The following AMPH variants were observed in gnomAD, a reference collection of about 807,000 sequenced individuals.
The protein encoded by AMPH is amphiphysin, also known as amphiphysin (Stiff-Mann syndrome with breast cancer 128kD autoantigen).
In AMPH, 49 loss-of-function variants were observed where a neutral mutation model predicts 99.1. The ratio of observed to expected loss-of-function variants is 0.49; its 90% CI spans 0.39 to 0.63. The LOEUF (loss-of-function observed/expected upper bound fraction) is 0.63. AMPH is among the 20% of genes least tolerant of loss of function. The pLI, the probability that AMPH is intolerant of heterozygous loss-of-function variation, is 0.00. For synonymous variants in AMPH, 314 were observed against 317.3 expected (o/e 0.99, Z 0.11); for missense variants, 759 against 863.4 (o/e 0.88, Z 1.52).
chr7:38,405,142 T>C (rs1784948289), intron 17 of AMPH, among the ~76,000 whole-genome samples: 1 of 152,142 alleles, frequency 6.6e-6, no homozygotes, highest in African/African-American at 2.4e-5. Flanking sequence ...AAATAAAGTC[T>C]TTCCCAGACA....
intron 1 of AMPH, among the ~76,000 whole-genome samples, chr7:38,610,234 C>CA (rs544036143): frequency 3.3e-4 from 2 of 6,128 alleles, no homozygotes; most frequent in Admixed American, 3.1e-3. Context: ...TAAGCTCTCT[C>CA]AAAAAAAAAA....
rs558383952 is a variant in AMPH at position 38,387,814 on chromosome 7, T to C, written c.1980+1990A>G. Among the ~76,000 whole-genome samples the C allele has an allele frequency of 2.0e-5, 3 of 150,570 alleles. No homozygotes were observed. In the South Asian group the frequency reaches 6.3e-4, roughly 31 times the overall value. Reference sequence around the variant, plus strand: ...AAAAAAAACCTACCCAAGCACAATATATTTAAACTGATGAAAATCAAAGAT... The same window carrying C: ...AAAAAAAACCTACCCAAGCACAATACATTTAAACTGATGAAAATCAAAGAT... On this transcript the variant is annotated intron_variant, in intron 20 of 20. Transcript: ENST00000356264.
chr7:38,404,255 A>G (rs1784921694), intron 17 of AMPH, among the ~76,000 whole-genome samples: 1 of 151,770 alleles, frequency 6.6e-6, no homozygotes, highest in Non-Finnish European at 1.5e-5. Flanking sequence ...TCCTCCTGTC[A>G]CCCTTGTCAG....
In AMPH at chr7:38,494,494, G is replaced by A. The variant is rs761049841; in HGVS notation, c.239C>T (p.Ser80Leu). 7 of 1,613,770 alleles carry A rather than the reference G, an allele frequency of 4.3e-6. No homozygotes were observed. Among genetic ancestry groups the A allele is most frequent in the African/African-American group, 2.7e-5 (2 of 74,896 alleles). ...MQEASMKLTE[S>L]LHEVYEPDWY... is the part of the protein sequence containing the mutation. ...GTCAGGCTCATAGACTTCATGCAGCGACTCTGTGAGCTTCATGGAGGCCTC... is the reference window on the plus strand; with the variant it reads ...GTCAGGCTCATAGACTTCATGCAGCAACTCTGTGAGCTTCATGGAGGCCTC... Residue 80 changes from serine (S) to leucine (L), a missense_variant, in exon 4 of 21, where the codon TCG (serine) becomes TTG (leucine). Ser to Leu is a moderately radical substitution (Grantham distance 145). Around this residue, in one of 2 missense-constraint regions of AMPH, gnomAD observed 205 missense variants for 287.9 expected, o/e 0.71. Coordinates refer to ENST00000356264, the MANE Select transcript of AMPH (RefSeq NM_001635.4).
At chr7:38,558,508 G>A (rs573694584) in intron 1 of AMPH, among the ~76,000 whole-genome samples, 17 of 152,208 alleles carry the variant, frequency 1.1e-4, no homozygotes, top group Non-Finnish European at 2.4e-4. Context: ...CGTTAAATCT[G>A]AGGAACAGTT....
intron 17 of AMPH, among the ~76,000 whole-genome samples, chr7:38,405,191 A>G (rs909339604): frequency 6.6e-6 from 1 of 152,218 alleles, no homozygotes; most frequent in Non-Finnish European, 1.5e-5. Flanking sequence ...TAGACTGGTC[A>G]TACAAGAAAT....
intron 3 of AMPH, among the ~76,000 whole-genome samples, chr7:38,500,933 G>A (rs1452135289): frequency 6.6e-6 from 1 of 152,220 alleles, no homozygotes; most frequent in East Asian, 1.9e-4. Flanking sequence ...TGCCTAAAAT[G>A]CTTAGCACAG....
chr7:38,542,131 C>CTGAG (rs1790830232), intron 1 of AMPH, among the ~76,000 whole-genome samples: 1 of 152,184 alleles, frequency 6.6e-6, no homozygotes, highest in Non-Finnish European at 1.5e-5. Context: ...CAAGATGGTC[C>CTGAG]TCTTCTCCAG....
At chr7:38,594,459 T>C (rs1489003856) in intron 1 of AMPH, among the ~76,000 whole-genome samples, 1 of 152,162 alleles carries the variant, frequency 6.6e-6, no homozygotes, top group Non-Finnish European at 1.5e-5. Context: ...GCAAGGTGCT[T>C]TGATTCCATG....
At chr7:38,508,656 T>C (rs893201475) in intron 2 of AMPH, among the ~76,000 whole-genome samples, 1 of 152,174 alleles carries the variant, frequency 6.6e-6, no homozygotes, top group Non-Finnish European at 1.5e-5. Flanking sequence ...AGTCCTGTCA[T>C]CTCATCTGTG....
intron 1 of AMPH, among the ~76,000 whole-genome samples, chr7:38,602,744 C>A (rs1162011318): frequency 6.6e-6 from 1 of 152,180 alleles, no homozygotes; most frequent in Admixed American, 6.5e-5. Context: ...GTACATTATT[C>A]TGCCTACCAC....
At chr7:38,555,663 A>G (rs563026220) in intron 1 of AMPH, among the ~76,000 whole-genome samples, 2 of 152,352 alleles carry the variant, frequency 1.3e-5, no homozygotes, top group East Asian at 3.9e-4. Context: ...ACAGTATTTT[A>G]CTATGTGAAA....
chr7:38,514,902 A>T (rs187175667), intron 2 of AMPH, among the ~76,000 whole-genome samples: 2 of 152,210 alleles, frequency 1.3e-5, no homozygotes, highest in Non-Finnish European at 2.9e-5. Flanking sequence ...AAGCTTTAGA[A>T]TTGGGTAATG....
At chr7:38,422,285 C>A in intron 16 of AMPH, 136 bp downstream of exon 16, 1 of 704,364 alleles carries the variant, frequency 1.4e-6, no homozygotes. Flanking sequence ...CACATTCTCT[C>A]CTGTTTTCTA....
chr7:38,571,672 A>G (rs892541756), intron 1 of AMPH, among the ~76,000 whole-genome samples: 1 of 137,146 alleles, frequency 7.3e-6, no homozygotes, highest in Non-Finnish European at 1.7e-5. Context: ...ATTACAAAAA[A>G]CCTCTAAAAA....
At chr7:38,420,710 T>C (rs944974219) in intron 16 of AMPH, among the ~76,000 whole-genome samples, 13 of 152,128 alleles carry the variant, frequency 8.5e-5, no homozygotes, top group Non-Finnish European at 1.5e-5. Flanking sequence ...TCTAGTCACA[T>C]CCAATGTGGC....
intron 1 of AMPH, among the ~76,000 whole-genome samples, chr7:38,545,964 AG>A (rs1199065537): frequency 1.3e-5 from 2 of 152,182 alleles, no homozygotes; most frequent in African/African-American, 4.8e-5. Flanking sequence ...TAAAAAATAC[AG>A]GGGGGGATGA....
intron 14 of AMPH, among the ~76,000 whole-genome samples, chr7:38,427,574 C>G (rs1785827975): frequency 6.6e-6 from 1 of 151,506 alleles, no homozygotes; most frequent in African/African-American, 2.4e-5. Context: ...CATTAATTCC[C>G]AACACAATCA....
At chr7:38,471,667 G>A (rs1056688364) in intron 7 of AMPH, among the ~76,000 whole-genome samples, 5 of 152,130 alleles carry the variant, frequency 3.3e-5, no homozygotes, top group East Asian at 1.9e-4. Flanking sequence ...CACAGCAATC[G>A]AAAGGCAGAG....
Sources: gnomAD v4.1 joint callset for allele counts (sites outside exome capture counted in the v4.1 genomes callset) on GRCh38, gnomAD v4.1.1 for gene constraint, gnomAD v4.1.1 regional missense constraint, MANE v1.5 for transcripts, NCBI Gene and HGNC (gene_info 2026-07-23, HGNC 2026-07-21) for gene names.